Variants in CFAP61 observed in about 807,000 individuals in gnomAD.
CFAP61 encodes cilia and flagella associated protein 61.
A neutral mutation model predicts 135.6 loss-of-function variants in CFAP61; 107 were observed. That is an observed-to-expected ratio of 0.79 (90% CI 0.67 to 0.93). CFAP61 has a LOEUF of 0.93. Among genes scored for constraint, CFAP61 ranks in the 40% least tolerant of loss-of-function variants. The pLI, the probability that CFAP61 is intolerant of heterozygous loss-of-function variation, is 0.00. For missense variants in CFAP61, 1,507 were observed against 1,556.2 expected, an observed-to-expected ratio of 0.97 and a Z score of 0.53; for synonymous variants, 575 against 578.5, an observed-to-expected ratio of 0.99 and a Z score of 0.09.
Position 20,304,303 on chromosome 20 carries a change from T to TGTGA in CFAP61, c.3422+5918_3422+5919insTGAG, listed in dbSNP as rs754913257. ...GTGTGTGTGTGTGTGTGTGTGTGTG[T>TGTGA]GAGAGAGAGAGAGAGAGAGAGAGAG... On this transcript the variant is annotated intron_variant, in intron 25 of 26. Transcript: ENST00000245957. Among the ~76,000 whole-genome samples the TGTGA allele has an allele frequency of 3.6e-3, 528 of 147,546 alleles. 1 individual carries two copies. The highest frequency in any genetic ancestry group is 0.017 in the Middle Eastern group (5 of 288).
intron 21 of CFAP61, among the ~76,000 whole-genome samples, chr20:20,276,962 A>G (rs2053810948): frequency 6.6e-6 from 1 of 152,226 alleles, no homozygotes; most frequent in Non-Finnish European, 1.5e-5. Flanking sequence ...CTACTTCTGC[A>G]TTAAAAGTAC....
chr20:20,272,439 T>A (rs139227777), intron 21 of CFAP61, among the ~76,000 whole-genome samples: 97 of 126,242 alleles, frequency 7.7e-4, no homozygotes, highest in Admixed American at 1.2e-3. Context: ...ATAAATAAAT[T>A]AATTAATTAT....
chr20:20,229,214 C>G lies in CFAP61; in HGVS notation c.2060+838C>G, dbSNP rs1452646247. On this transcript the variant is annotated intron_variant, in intron 18 of 26. Transcript: ENST00000245957. The stretch of plus-strand genomic sequence containing the variant: ...TCTCCATGTGCTCACTTGAGCACCT[C>G]TTTAATAGAAAACACCCTGGATTAG... Among the ~76,000 whole-genome samples, 5 of 152,282 alleles carry G rather than the reference C, an allele frequency of 3.3e-5. No homozygotes were observed. In the South Asian group the frequency reaches 8.3e-4, roughly 25 times the overall value.
chr20:20,127,859 T>C (rs12480020), intron 8 of CFAP61, among the ~76,000 whole-genome samples: 17,873 of 151,480 alleles, frequency 0.12, 1,342 homozygotes, highest in Non-Finnish European at 0.15. Flanking sequence ...TGGGTGGGTC[T>C]TGCTGCAGCT....
intron 9 of CFAP61, among the ~76,000 whole-genome samples, chr20:20,152,398 G>T (rs1483541289): frequency 6.6e-6 from 1 of 151,958 alleles, no homozygotes. Context: ...TGTAAATGGT[G>T]TAAATGTTCC....
intron 8 of CFAP61, among the ~76,000 whole-genome samples, chr20:20,106,551 G>C (rs1378367652): frequency 6.6e-6 from 1 of 152,144 alleles, no homozygotes; most frequent in Non-Finnish European, 1.5e-5. Flanking sequence ...GCGCATTTTT[G>C]TATGGGGCCT....
intron 13 of CFAP61, among the ~76,000 whole-genome samples, chr20:20,179,811 A>T (rs2054914539): frequency 6.6e-6 from 1 of 152,348 alleles, no homozygotes; most frequent in South Asian, 2.1e-4. Flanking sequence ...TGCTGGGATA[A>T]CTGGGTAGCC....
intron 18 of CFAP61, among the ~76,000 whole-genome samples, chr20:20,238,346 T>A (rs1413967223): frequency 2.0e-5 from 3 of 152,252 alleles, no homozygotes; most frequent in Non-Finnish European, 4.4e-5. Flanking sequence ...AGGTTAAATA[T>A]CTATCACGAG....
At chr20:20,114,750 A>G (rs933253141) in intron 8 of CFAP61, among the ~76,000 whole-genome samples, 1 of 152,064 alleles carries the variant, frequency 6.6e-6, no homozygotes, top group African/African-American at 2.4e-5. Flanking sequence ...AAATTTGTTT[A>G]TCTACTGGCT....
chr20:20,167,463 C>T (rs1011125118), intron 12 of CFAP61, among the ~76,000 whole-genome samples: 8 of 152,042 alleles, frequency 5.3e-5, no homozygotes, highest in Admixed American at 6.6e-5. Flanking sequence ...TCCATGTAAA[C>T]GTAAATATTT....
chr20:20,123,915 T>A (rs939153276), intron 8 of CFAP61, among the ~76,000 whole-genome samples: 1 of 151,334 alleles, frequency 6.6e-6, no homozygotes, highest in Admixed American at 6.6e-5. Context: ...CTTTCAGCAG[T>A]GTTTTGTAGT....
intron 13 of CFAP61, among the ~76,000 whole-genome samples, chr20:20,180,224 G>A (rs939116161): frequency 3.9e-5 from 6 of 151,980 alleles, no homozygotes; most frequent in African/African-American, 7.3e-5. Flanking sequence ...AGCTACTGAG[G>A]AGGCTGAGGC....
In CFAP61 at chr20:20,109,272, G is replaced by A. The variant is rs551407625; in HGVS notation, c.859+10458G>A. ...AAATTATTTTCACTTATCCCAGTCT[G>A]TGCAGAAGTCTGTAATAATGTCTTT... On this transcript the variant is annotated intron_variant, in intron 8 of 26. Transcript: ENST00000245957. 2.0e-5 allele frequency among the ~76,000 whole-genome samples: 3 copies of A among 152,284 alleles called. No homozygotes were observed. In the South Asian group the frequency reaches 6.2e-4, roughly 32 times the overall value.
intron 15 of CFAP61, among the ~76,000 whole-genome samples, chr20:20,194,495 T>G (rs1997874): frequency 0.99 from 150,491 of 152,296 alleles, 74,357 homozygotes; most frequent in Middle Eastern, 1. Context: ...GCTATTTCCT[T>G]AATAATTTGT....
chr20:20,200,720 C>T, intron 17 of CFAP61: 6 of 985,178 alleles, frequency 6.1e-6, no homozygotes, highest in Non-Finnish European at 7.2e-6. Context: ...ACTCTCCAAA[C>T]ACTTACCCAA....
chr20:20,263,048 T>G lies in CFAP61; in HGVS notation c.2421T>G (p.Pro807=). Residue 807 remains proline (P), a synonymous_variant, in exon 21 of 27, where the codon CCT becomes CCG. Coordinates refer to ENST00000245957, the MANE Select transcript of CFAP61 (RefSeq NM_015585.4). The part of the protein sequence containing the change: ...SSQRRYTGKV[P]CNHFTLNEEE... ...AGCGGCGGTACACGGGGAAAGTTCC[T>G]TGCAACCATTTCACTCTCAACGAGG... is the stretch of plus-strand genomic sequence containing the variant. 6.2e-7 allele frequency: 1 copy of G among 1,614,154 alleles called. No homozygotes were observed. Among genetic ancestry groups the G allele is most frequent in the South Asian group, 1.1e-5 (1 of 91,080 alleles).
rs1186022502 is a variant in CFAP61 at position 20,341,928 on chromosome 20, G to C, written c.3513+7G>C. 6.3e-7 allele frequency: 1 copy of C among 1,576,454 alleles called. No homozygotes were observed. ...AATCTTAGCCTCCAAGGAGGTAAGA[G>C]TGATTAATGGATATGTGGATTATTC... On this transcript the variant is annotated splice_region_variant and intron_variant, in intron 26 of 26. Transcript: ENST00000245957.
intron 2 of CFAP61, among the ~76,000 whole-genome samples, chr20:20,059,736 A>G (rs1045232210): frequency 4.6e-5 from 7 of 152,354 alleles, no homozygotes; most frequent in Non-Finnish European, 7.3e-5. Flanking sequence ...CTGTAGATGA[A>G]TTAAACATCC....
chr20:20,311,527 G>A (rs998398286), intron 25 of CFAP61, among the ~76,000 whole-genome samples: 19 of 152,218 alleles, frequency 1.2e-4, no homozygotes, highest in African/African-American at 4.3e-4. Flanking sequence ...CCACAGCAAG[G>A]GGAAGCAGAG....
Sources: allele counts gnomAD v4.1 joint callset (sites outside exome capture counted in the v4.1 genomes callset), GRCh38; gene constraint gnomAD v4.1.1; transcripts MANE v1.5; gene names NCBI Gene and HGNC (gene_info 2026-07-23, HGNC 2026-07-21).